The following ZFHX3 variants were observed in gnomAD, a reference collection of about 807,000 sequenced individuals.
The protein encoded by ZFHX3 is zinc finger homeobox protein 3.
ZFHX3 carries 42 observed loss-of-function variants against 279.1 expected under a neutral mutation model. That is an observed-to-expected ratio of 0.15 (90% confidence interval 0.12 to 0.19). ZFHX3 has a LOEUF of 0.19. Among genes scored for constraint, ZFHX3 ranks in the 10% least tolerant of loss-of-function variants. The pLI is 1.00. For synonymous variants in ZFHX3, 2,293 were observed against 1,957.8 expected (o/e 1.17, Z -4.52); for missense variants, 4,981 against 4,754.0 (o/e 1.05, Z -1.40).
At chr16:73,052,491 T>C (rs140695213), upstream of ZFHX3, among the ~76,000 whole-genome samples, 4 of 152,254 alleles carry the variant, frequency 2.6e-5, no homozygotes, top group East Asian at 7.7e-4. Flanking sequence ...TATCTTTTCA[T>C]TTTAGGGCAT....
At chr16:73,514,092 C>G (rs778198554) in intron 2 of ZFHX3, among the ~76,000 whole-genome samples, 2 of 151,904 alleles carry the variant, frequency 1.3e-5, no homozygotes, top group Non-Finnish European at 2.9e-5. Flanking sequence ...ACTAAAAATA[C>G]AAAAAATTAG....
intron 3 of ZFHX3, 64 bp from the exon 4 acceptor site, chr16:72,890,026 GC>G: frequency 7.0e-7 from 1 of 1,436,050 alleles, no homozygotes; most frequent in African/African-American, 1.4e-5. Context: ...ACTGGCATCA[GC>G]CCACACCATC....
intron 4 of ZFHX3, among the ~76,000 whole-genome samples, chr16:73,268,822 A>G (rs1320315005): frequency 3.9e-5 from 6 of 152,148 alleles, no homozygotes; most frequent in Admixed American, 3.9e-4. Context: ...TCCCTGGGAC[A>G]TGCTTCCTAC....
chr16:73,846,165 T>C (rs1269324362), intron 1 of ZFHX3, among the ~76,000 whole-genome samples: 1 of 152,186 alleles, frequency 6.6e-6, no homozygotes, highest in Admixed American at 6.5e-5. Flanking sequence ...GTTACACAGC[T>C]GTATATTGCC....
intron 4 of ZFHX3, among the ~76,000 whole-genome samples, chr16:72,871,538 C>T (rs995136973): frequency 5.9e-5 from 9 of 152,094 alleles, no homozygotes; most frequent in Admixed American, 4.6e-4. Flanking sequence ...GACGGGGTTT[C>T]ACCACGTTGG....
chr16:72,855,213 C>T lies in ZFHX3; in HGVS notation c.3449-25354G>A, dbSNP rs563801633. 2.4e-4 allele frequency among the ~76,000 whole-genome samples: 36 copies of T among 152,280 alleles called. 1 individual carries two copies. The South Asian group carries it at 7.1e-3, about 30-fold the overall frequency. On this transcript the variant is annotated intron_variant, in intron 4 of 9. Transcript: ENST00000268489. ...AATGGCAGATGGATGGCAAATTGCA[C>T]CAACCTCATCAATTATAACCATCAT... is the stretch of plus-strand genomic sequence containing the variant.
chr16:72,793,123 T>A lies in ZFHX3; in HGVS notation c.9427+132A>T. On this transcript the variant is annotated intron_variant, in intron 9 of 9. Coordinates refer to ENST00000268489, the MANE Select transcript of ZFHX3 (RefSeq NM_006885.4). The surrounding 1 kb of genome is among the most constrained non-coding windows in gnomAD (Gnocchi z 4.3). Reference sequence around the variant, plus strand: ...TCAACAGGAACGAACTGAAGTCTTGTTGCTTTTAAAGAACTAGAAAGGTAA... The same window carrying A: ...TCAACAGGAACGAACTGAAGTCTTGATGCTTTTAAAGAACTAGAAAGGTAA... 6.8e-7 allele frequency: 1 copy of A among 1,467,630 alleles called. No homozygotes were observed. The highest frequency in any genetic ancestry group is 9.1e-7 in the Non-Finnish European group (1 of 1,101,732). The allele number at this position is 1,467,630 out of a possible 1,614,324, so 90.9% of individuals were successfully genotyped here.
intron 3 of ZFHX3, among the ~76,000 whole-genome samples, chr16:73,412,192 G>C (rs2017482344): frequency 6.6e-6 from 1 of 151,960 alleles, no homozygotes; most frequent in Admixed American, 6.6e-5. Context: ...CGGACATAGT[G>C]GCGCACACCT....
At chr16:73,406,282 T>G (rs1263957617) in intron 3 of ZFHX3, among the ~76,000 whole-genome samples, 2 of 152,236 alleles carry the variant, frequency 1.3e-5, no homozygotes, top group African/African-American at 4.8e-5. Context: ...TGGGTTTTCC[T>G]ATCCTTTGTA....
At chr16:72,867,070 C>T (rs1043044045) in intron 4 of ZFHX3, among the ~76,000 whole-genome samples, 6 of 152,132 alleles carry the variant, frequency 3.9e-5, no homozygotes, top group African/African-American at 1.4e-4. Context: ...TGAATGTTTC[C>T]CACCATGGGC....
chr16:73,121,303 T>C (rs1966495905), intron 7 of ZFHX3, among the ~76,000 whole-genome samples: 1 of 152,222 alleles, frequency 6.6e-6, no homozygotes. Flanking sequence ...AATATCTCAT[T>C]AATAATTTTT....
intron 1 of ZFHX3, among the ~76,000 whole-genome samples, chr16:73,721,502 T>C (rs954188319): frequency 6.6e-6 from 1 of 152,172 alleles, no homozygotes; most frequent in African/African-American, 2.4e-5. Flanking sequence ...TGACCATTTA[T>C]CTGTATTAGT....
chr16:73,821,918 C>A (rs779850514), intron 1 of ZFHX3, among the ~76,000 whole-genome samples: 46 of 152,146 alleles, frequency 3.0e-4, no homozygotes, highest in Non-Finnish European at 8.8e-5. Context: ...CATGTTAGAA[C>A]GGTCACAACC....
chr16:73,367,948 A>G (rs1212744589), intron 3 of ZFHX3, among the ~76,000 whole-genome samples: 2 of 149,738 alleles, frequency 1.3e-5, no homozygotes. Flanking sequence ...AGCTCACTGC[A>G]ACCTCCACCT....
chr16:73,043,250 C>T (rs1007984340), intron 1 of ZFHX3, among the ~76,000 whole-genome samples: 2 of 152,186 alleles, frequency 1.3e-5, no homozygotes, highest in Admixed American at 6.5e-5. Context: ...ACATCAAACC[C>T]CCCACACAGT....
chr16:73,429,337 T>C (rs918803928), intron 3 of ZFHX3, among the ~76,000 whole-genome samples: 16 of 152,242 alleles, frequency 1.1e-4, no homozygotes, highest in East Asian at 1.9e-4. Flanking sequence ...TTCAGATATA[T>C]ATATAATTTT....
Position 73,289,975 on chromosome 16 carries a change from T to G in ZFHX3, c.-1194+28265A>C, listed in dbSNP as rs1020217566. Among the ~76,000 whole-genome samples, 5 of 151,774 alleles carry G rather than the reference T, an allele frequency of 3.3e-5. No homozygotes were observed. In the South Asian group the frequency reaches 8.4e-4, roughly 25 times the overall value. ...TGAGCCTCAATTCCAATATGAAGAT[T>G]ATAATGTGGAAGTGATAGGTATTAA... On this transcript the variant is annotated intron_variant, in intron 4 of 17. Transcript: ENST00000641206.
At chr16:72,843,918 T>C (rs879694553) in intron 4 of ZFHX3, among the ~76,000 whole-genome samples, 29 of 152,160 alleles carry the variant, frequency 1.9e-4, no homozygotes, top group Non-Finnish European at 3.8e-4. Flanking sequence ...TGGTACCCTG[T>C]TAACTTCCTG....
intron 3 of ZFHX3, among the ~76,000 whole-genome samples, chr16:72,921,669 T>A (rs1449825312): frequency 6.6e-6 from 1 of 152,150 alleles, no homozygotes; most frequent in Non-Finnish European, 1.5e-5. Flanking sequence ...GATCACTGCA[T>A]GTACAGAAGG....
Sources: gnomAD v4.1 joint callset for allele counts (sites outside exome capture counted in the v4.1 genomes callset) on GRCh38, gnomAD v4.1.1 for gene constraint, Gnocchi (gnomAD v3.1) non-coding constraint, MANE v1.5 for transcripts, NCBI Gene and HGNC (gene_info 2026-07-23, HGNC 2026-07-21) for gene names.